CNST: variants seen among roughly 807,000 people sequenced by gnomAD.
CNST encodes the protein consortin.
In CNST, 39 loss-of-function variants were observed where a neutral mutation model predicts 72.4. The observed-to-expected ratio is 0.54, with a 90% CI of 0.42 to 0.70. CNST has a LOEUF of 0.70. CNST is among the 30% of genes least tolerant of loss of function. The probability of loss-of-function intolerance (pLI) is 0.00; values close to 1 mark genes in which losing one functional copy is unlikely to be tolerated. For synonymous variants in CNST, 332 were observed against 320.1 expected (o/e 1.04, Z -0.40); for missense variants, 871 against 868.5 (o/e 1.00, Z -0.04).
At chr1:246,585,641 CAAA>C (rs543693321) in intron 1 of CNST, among the ~76,000 whole-genome samples, 1,877 of 42,764 alleles carry the variant, frequency 0.044, 106 homozygotes, top group African/African-American at 0.13. Context: ...GACTCTGTCT[CAAA>C]AAAAAAAAAA....
intron 1 of CNST, among the ~76,000 whole-genome samples, chr1:246,577,295 G>A (rs150688416): frequency 1.5e-3 from 221 of 151,924 alleles, no homozygotes; most frequent in African/African-American, 3.6e-3. Context: ...CCTCCATACC[G>A]CCCCACCACA....
chr1:246,596,544 T>C (rs948759884), intron 2 of CNST, among the ~76,000 whole-genome samples: 1 of 152,226 alleles, frequency 6.6e-6, no homozygotes, highest in Admixed American at 6.5e-5. Flanking sequence ...CAATGGAAAT[T>C]AATGTGTTTT....
intron 2 of CNST, among the ~76,000 whole-genome samples, chr1:246,609,251 G>A: frequency 6.6e-6 from 1 of 152,194 alleles, no homozygotes. Flanking sequence ...TGCTGCTTCG[G>A]TATGGTTAGC....
rs367623441 is a variant in CNST at position 246,569,936 on chromosome 1, T to C, written c.-52+3273T>C. ...GGACCTTCAAGAAGATTGAACTTTA[T>C]TGTGAACAGGTAGAGTACCTGTTGT... is the stretch of plus-strand genomic sequence containing the variant. On this transcript the variant is annotated intron_variant, in intron 1 of 10. Coordinates refer to ENST00000366513, the MANE Select transcript of CNST (RefSeq NM_152609.3). The C allele has an allele frequency of 2.1e-4, 209 of 983,238 alleles. 1 individual carries two copies. In the African/African-American group the frequency reaches 3.4e-3, roughly 16 times the overall value. 60.9% of individuals were successfully genotyped at this position (983,238 alleles called of 1,614,324 possible). A position where few individuals can be genotyped will look rare whatever the true frequency, so the allele number is the denominator to read the frequency against.
chr1:246,613,295 C>G (rs549375869), intron 2 of CNST, among the ~76,000 whole-genome samples: 1 of 152,100 alleles, frequency 6.6e-6, no homozygotes, highest in Non-Finnish European at 1.5e-5. Flanking sequence ...CACAATTTGC[C>G]GCAGAACAAT....
At chr1:246,638,180 G>A (rs1665424847) in intron 6 of CNST, among the ~76,000 whole-genome samples, 1 of 152,206 alleles carries the variant, frequency 6.6e-6, no homozygotes, top group Non-Finnish European at 1.5e-5. Context: ...GAGGAAGAAT[G>A]AGAAGCGCCC....
At chr1:246,609,868 C>T (rs1345171878) in intron 2 of CNST, among the ~76,000 whole-genome samples, 1 of 152,148 alleles carries the variant, frequency 6.6e-6, no homozygotes, top group African/African-American at 2.4e-5. Flanking sequence ...ATAAATGTGC[C>T]ATTTTAACCA....
intron 2 of CNST, among the ~76,000 whole-genome samples, chr1:246,619,350 T>C (rs1412867761): frequency 6.6e-6 from 1 of 152,130 alleles, no homozygotes; most frequent in Non-Finnish European, 1.5e-5. Flanking sequence ...ATGGCCAAAA[T>C]GTATAGCAAC....
chr1:246,570,680 T>C (rs372808112), intron 1 of CNST, among the ~76,000 whole-genome samples: 1 of 151,934 alleles, frequency 6.6e-6, no homozygotes, highest in African/African-American at 2.4e-5. Flanking sequence ...GGATGTTCTA[T>C]AAGAAAATAA....
At chr1:246,633,093 G>A (rs887709686) in intron 4 of CNST, among the ~76,000 whole-genome samples, 26 of 152,312 alleles carry the variant, frequency 1.7e-4, no homozygotes, top group Middle Eastern at 3.4e-3. Context: ...TTTGCCGATA[G>A]TGTGGAATCC....
intron 1 of CNST, among the ~76,000 whole-genome samples, chr1:246,582,197 G>A (rs1660829686): frequency 6.6e-6 from 1 of 152,164 alleles, no homozygotes; most frequent in Non-Finnish European, 1.5e-5. Flanking sequence ...TGCTGTTGCT[G>A]TTTTTCTTTC....
chr1:246,665,487 T>C (rs540961142), intron 10 of CNST, among the ~76,000 whole-genome samples: 3 of 152,262 alleles, frequency 2.0e-5, no homozygotes, highest in Non-Finnish European at 4.4e-5. Context: ...GTTTTAATTT[T>C]AGCTTGTACA....
At chr1:246,584,654 T>C (rs1276900394) in intron 1 of CNST, among the ~76,000 whole-genome samples, 1 of 152,100 alleles carries the variant, frequency 6.6e-6, no homozygotes, top group East Asian at 1.9e-4. Context: ...GGAGACGGAG[T>C]GTGTAGTGGA....
At position 246,642,131 on chromosome 1, in the gene CNST, TGG is replaced by T. The variant is rs371016257; in HGVS notation, c.937+95_937+96del. ...TACATCTGAATTGCTGCAAAGGATCTGGTTTTTTTTTTTTTTTTTTTTTGCAC... is the reference window on the plus strand; with the variant it reads ...TACATCTGAATTGCTGCAAAGGATCTTTTTTTTTTTTTTTTTTTTTTGCAC... On this transcript the variant is annotated intron_variant, in intron 8 of 10. Transcript: ENST00000366513. The T allele has an allele frequency of 1.6e-3, 638 of 410,650 alleles. 4 individuals carry two copies. Among genetic ancestry groups the T allele is most frequent in the South Asian group, 3.1e-3 (74 of 23,516 alleles). The allele number at this position is 410,650 out of a possible 1,614,324, so 25.4% of individuals were successfully genotyped here.
intron 1 of CNST, among the ~76,000 whole-genome samples, chr1:246,580,376 C>A (rs1558529295): frequency 1.3e-5 from 2 of 151,972 alleles, no homozygotes; most frequent in Admixed American, 6.6e-5. Flanking sequence ...AAAATAATCC[C>A]TAATCATTTC....
chr1:246,621,283 T>C, intron 2 of CNST, 146 bp from the exon 3 acceptor site: 1 of 679,162 alleles, frequency 1.5e-6, no homozygotes. Flanking sequence ...TCTTTAGTGG[T>C]TTCATATGAT....
chr1:246,593,880 A>C (rs930908582), intron 2 of CNST, among the ~76,000 whole-genome samples: 5 of 152,126 alleles, frequency 3.3e-5, no homozygotes, highest in African/African-American at 2.4e-5. Flanking sequence ...CTCCCACCTC[A>C]GCCTCTGGAG....
chr1:246,586,980 A>G (rs1268204728), intron 1 of CNST, among the ~76,000 whole-genome samples: 2 of 152,192 alleles, frequency 1.3e-5, no homozygotes, highest in African/African-American at 4.8e-5. Flanking sequence ...TTTGCCACAT[A>G]ATAGCAGCGT....
At position 246,665,724 on chromosome 1, in the gene CNST, T is replaced by C. The variant is rs771807825; in HGVS notation, c.1997T>C (p.Ile666Thr). 6.2e-7 allele frequency: 1 copy of C among 1,613,300 alleles called. No individual in the cohort carries two copies. Among genetic ancestry groups the C allele is most frequent in the South Asian group, 1.1e-5 (1 of 91,036 alleles). ...GATGAAGTTGGAGGTGGCTCCTGTATTTTGCTGGTCTTGCTGTGCATAGCA... is the reference window on the plus strand; with the variant it reads ...GATGAAGTTGGAGGTGGCTCCTGTACTTTGCTGGTCTTGCTGTGCATAGCA... The part of the protein sequence containing the change: ...DQDEVGGGSC[I>T]LLVLLCIATV... Residue 666 changes from isoleucine to threonine, a missense_variant, in exon 11 of 11, where the codon ATT becomes ACT. By Grantham distance (89) the Ile-to-Thr change is moderately conservative. Coordinates refer to ENST00000366513, the MANE Select transcript of CNST (RefSeq NM_152609.3).
Sources: allele counts gnomAD v4.1 joint callset (sites outside exome capture counted in the v4.1 genomes callset), GRCh38; gene constraint gnomAD v4.1.1; transcripts MANE v1.5; gene names NCBI Gene and HGNC (gene_info 2026-07-23, HGNC 2026-07-21).